Variants in ATG4C observed in about 807,000 individuals in gnomAD.
The protein encoded by ATG4C is cysteine protease ATG4C.
A neutral mutation model predicts 57.6 loss-of-function variants in ATG4C; 56 were observed. The observed-to-expected ratio is 0.97, with a 90% CI of 0.78 to 1.21. The LOEUF is 1.21. Ranked by LOEUF, ATG4C falls within the 50% of genes most tolerant of loss-of-function variation. The probability of loss-of-function intolerance (pLI) is 0.00; values close to 1 mark genes in which losing one functional copy is unlikely to be tolerated. For missense variants in ATG4C, 595 were observed against 529.8 expected, an observed-to-expected ratio of 1.12 and a Z score of -1.21; for synonymous variants, 157 against 174.1, an observed-to-expected ratio of 0.90 and a Z score of 0.78.
chr1:62,818,764 A>G (rs1321806324), intron 4 of ATG4C, among the ~76,000 whole-genome samples: 1 of 152,068 alleles, frequency 6.6e-6, no homozygotes, highest in Non-Finnish European at 1.5e-5. Context: ...AATCATCACC[A>G]TAAATCTAAT....
chr1:62,833,095 T>A (rs12135672), intron 7 of ATG4C, among the ~76,000 whole-genome samples: 25,725 of 152,090 alleles, frequency 0.17, 2,345 homozygotes, highest in African/African-American at 0.21. Flanking sequence ...GTGTGTTCTG[T>A]ATGGTTTGGT....
chr1:62,810,711 GTTT>G (rs10677674), intron 3 of ATG4C, among the ~76,000 whole-genome samples: 1 of 141,528 alleles, frequency 7.1e-6, no homozygotes, highest in African/African-American at 2.6e-5. Flanking sequence ...TTGAGTCCTT[GTTT>G]TTTTTTTTTT....
intron 6 of ATG4C, among the ~76,000 whole-genome samples, chr1:62,821,844 C>T (rs1352272644): frequency 6.6e-6 from 1 of 152,100 alleles, no homozygotes; most frequent in Admixed American, 6.6e-5. Flanking sequence ...ACTCCTTATA[C>T]ACATAGCCTG....
At chr1:62,800,150 G>T (rs560126196) in intron 1 of ATG4C, among the ~76,000 whole-genome samples, 1 of 152,088 alleles carries the variant, frequency 6.6e-6, no homozygotes, top group Non-Finnish European at 1.5e-5. Flanking sequence ...TGGATGGCTG[G>T]TGATGAGAAC....
At chr1:62,797,900 A>G (rs1298240058) in intron 1 of ATG4C, among the ~76,000 whole-genome samples, 1 of 151,910 alleles carries the variant, frequency 6.6e-6, no homozygotes, top group Non-Finnish European at 1.5e-5. Flanking sequence ...GCTCACTGCA[A>G]CCTCCACCTC....
At chr1:62,812,957 C>G (rs2100308131) in intron 3 of ATG4C, among the ~76,000 whole-genome samples, 1 of 152,134 alleles carries the variant, frequency 6.6e-6, no homozygotes, top group Non-Finnish European at 1.5e-5. Flanking sequence ...AACCGCTGCT[C>G]AAGGGAATAA....
rs565870538 is a variant in ATG4C, at chr1:62,805,320, T to C, written c.160+65T>C. The C allele has an allele frequency of 4.8e-5, 68 of 1,409,820 alleles. No homozygotes were observed. In the Admixed American group the frequency reaches 2.0e-3, roughly 42 times the overall value. The allele number at this position is 1,409,820 out of a possible 1,614,324, so 87.3% of individuals were successfully genotyped here. A position where few individuals can be genotyped will look rare whatever the true frequency, so the allele number is the denominator to read the frequency against. Reference sequence around the variant, plus strand: ...GAAATCATCATGTAACTTTTTATTATTTTATTTCTAGATTAATCTACTTTT... The same window carrying C: ...GAAATCATCATGTAACTTTTTATTACTTTATTTCTAGATTAATCTACTTTT... On this transcript the variant is annotated intron_variant, in intron 3 of 10. Coordinates refer to ENST00000317868, the MANE Select transcript of ATG4C (RefSeq NM_032852.4).
chr1:62,859,021 T>C (rs1423994470), intron 10 of ATG4C, among the ~76,000 whole-genome samples: 1 of 152,206 alleles, frequency 6.6e-6, no homozygotes, highest in Non-Finnish European at 1.5e-5. Flanking sequence ...GCGAACATAA[T>C]TGAATGTACT....
intron 3 of ATG4C, among the ~76,000 whole-genome samples, chr1:62,807,961 G>A (rs1664936110): frequency 6.6e-6 from 1 of 152,184 alleles, no homozygotes. Flanking sequence ...CTAACTTCAG[G>A]TAGTTAGTTC....
chr1:62,822,927 G>A (rs1160957637), intron 6 of ATG4C, among the ~76,000 whole-genome samples: 2 of 152,108 alleles, frequency 1.3e-5, no homozygotes, highest in Non-Finnish European at 2.9e-5. Flanking sequence ...GGCCGAGGTC[G>A]GGGGATCACT....
At chr1:62,838,758 C>T (rs1046323436) in intron 9 of ATG4C, among the ~76,000 whole-genome samples, 3 of 146,722 alleles carry the variant, frequency 2.0e-5, no homozygotes, top group Admixed American at 6.9e-5. Flanking sequence ...CCAGCCTGGG[C>T]GACAAGAGTG....
intron 1 of ATG4C, among the ~76,000 whole-genome samples, chr1:62,787,181 T>C (rs1479627674): frequency 6.6e-6 from 1 of 152,194 alleles, no homozygotes; most frequent in Non-Finnish European, 1.5e-5. Context: ...TTCTTAGTTA[T>C]TTTTACCCTT....
At chr1:62,812,376 G>T (rs1665116766) in intron 3 of ATG4C, among the ~76,000 whole-genome samples, 1 of 152,134 alleles carries the variant, frequency 6.6e-6, no homozygotes, top group Non-Finnish European at 1.5e-5. Flanking sequence ...AAAACCACAT[G>T]ATTATCTCAA....
intron 1 of ATG4C, among the ~76,000 whole-genome samples, chr1:62,797,987 T>A (rs1227409571): frequency 1.3e-5 from 2 of 152,000 alleles, no homozygotes; most frequent in Non-Finnish European, 2.9e-5. Flanking sequence ...ACCTGGCTAA[T>A]TTTTTTGTAT....
At chr1:62,815,825 CAGGTGCCTG>C (rs1344100094) in intron 3 of ATG4C, among the ~76,000 whole-genome samples, 3 of 152,226 alleles carry the variant, frequency 2.0e-5, no homozygotes, top group Non-Finnish European at 4.4e-5. Flanking sequence ...GCTGGGACTA[CAGGTGCCTG>C]CCACCATGCC....
intron 6 of ATG4C, among the ~76,000 whole-genome samples, chr1:62,826,105 C>T (rs188813030): frequency 5.9e-5 from 9 of 151,554 alleles, no homozygotes; most frequent in African/African-American, 1.9e-4. Context: ...GACGGTGTTT[C>T]GCCATGTTGA....
intron 1 of ATG4C, among the ~76,000 whole-genome samples, 173 bp downstream of exon 1, chr1:62,784,446 T>G (rs1019348352): frequency 6.6e-6 from 1 of 152,274 alleles, no homozygotes; most frequent in South Asian, 2.1e-4. Context: ...CTAGTGTCAT[T>G]TGTCTTCTAA....
chr1:62,825,971 GATCTCAGCTCACTGC>G (rs1285231640), intron 6 of ATG4C, among the ~76,000 whole-genome samples: 2 of 151,864 alleles, frequency 1.3e-5, no homozygotes, highest in Admixed American at 1.3e-4. Flanking sequence ...GCAGTGGCAC[GATCTCAGCTCACTGC>G]AACCTCTGCC....
At chr1:62,810,741 G>C (rs1409360069) in intron 3 of ATG4C, among the ~76,000 whole-genome samples, 1 of 144,500 alleles carries the variant, frequency 6.9e-6, no homozygotes, top group Admixed American at 7.0e-5. Context: ...AGAAGAAAAA[G>C]TGTTAGAGAC....
Sources: allele counts gnomAD v4.1 joint callset (sites outside exome capture counted in the v4.1 genomes callset), GRCh38; gene constraint gnomAD v4.1.1; transcripts MANE v1.5; gene names NCBI Gene and HGNC (gene_info 2026-07-23, HGNC 2026-07-21).